The following SCRN3 variants were observed in gnomAD, a reference collection of about 807,000 sequenced individuals.
SCRN3 encodes secernin-3.
Under a neutral mutation model 43.1 loss-of-function variants are expected in SCRN3, and 39 were observed. The observed-to-expected ratio is 0.91, with a 90% CI of 0.70 to 1.18. The LOEUF (loss-of-function observed/expected upper bound fraction) is 1.18, where lower values mean the gene tolerates loss of function less well. Ranked by LOEUF, SCRN3 falls within the 50% of genes most tolerant of loss-of-function variation. The probability of loss-of-function intolerance (pLI) is 0.00; values close to 1 mark genes in which losing one functional copy is unlikely to be tolerated. For synonymous variants in SCRN3, 147 were observed against 163.1 expected, an observed-to-expected ratio of 0.90 and a Z score of 0.75; for missense variants, 484 against 498.0, an observed-to-expected ratio of 0.97 and a Z score of 0.27.
chr2:174,404,226 C>G lies in SCRN3; in HGVS notation c.665C>G (p.Ala222Gly). 6.2e-7 allele frequency: 1 copy of G among 1,613,838 alleles called. No individual in the cohort carries two copies. The highest frequency in any genetic ancestry group is 8.5e-7 in the Non-Finnish European group (1 of 1,179,844). The change falls in exon 5 of 8, where the codon GCT becomes GGT. Residue 222 changes from alanine to glycine, a missense_variant. Physicochemically the swap from Ala to Gly is moderately conservative, Grantham distance 60. Coordinates refer to ENST00000272732, the MANE Select transcript of SCRN3 (RefSeq NM_024583.5). ...GATGGTAAAAAGGAGTTTGATTTTG[C>G]TGCAGCATATTCCTATCTTGACACA... The part of the protein sequence containing the change: ...WWDGKKEFDF[A>G]AAYSYLDTAK...
intron 5 of SCRN3, among the ~76,000 whole-genome samples, chr2:174,414,116 T>C (rs772182051): frequency 9.2e-5 from 14 of 152,088 alleles, no homozygotes; most frequent in Non-Finnish European, 1.8e-4. Flanking sequence ...AGCCTTCAGG[T>C]AGTTGTTTTT....
chr2:174,424,388 T>C, intron 6 of SCRN3, 87 bp from the exon 7 acceptor site: 1 of 972,618 alleles, frequency 1.0e-6, no homozygotes, highest in Non-Finnish European at 1.5e-6. Flanking sequence ...CAGAAACTTC[T>C]AATTGAGAGA....
At chr2:174,416,619 G>A (rs1412194898) in intron 5 of SCRN3, among the ~76,000 whole-genome samples, 1 of 152,176 alleles carries the variant, frequency 6.6e-6, no homozygotes, top group Admixed American at 6.5e-5. Context: ...GGAGCATAGG[G>A]TAGGAGTAGT....
chr2:174,422,569 C>CA (rs397872881), intron 5 of SCRN3, among the ~76,000 whole-genome samples: 22,911 of 108,972 alleles, frequency 0.21, 2,109 homozygotes, highest in South Asian at 0.34. Context: ...GACTCTGTCT[C>CA]AAAAAAAAAA....
At chr2:174,398,573 CAG>C (rs1685404315) in intron 2 of SCRN3, 131 bp downstream of exon 2, 2 of 651,088 alleles carry the variant, frequency 3.1e-6, no homozygotes, top group Admixed American at 3.4e-5. Flanking sequence ...ATAAATGAGT[CAG>C]AAATAAACTG....
Position 174,395,757 on chromosome 2 carries a change from A to G in SCRN3, c.-70A>G, listed in dbSNP as rs1475468075. On this transcript the variant is annotated 5_prime_UTR_variant, in exon 1 of 8. The change abolishes an upstream ATG in the 5' untranslated region. Transcript: ENST00000272732. Reference sequence around the variant, plus strand: ...CAAAGGTGACAGCTTCCGGCAACTGATGCCTCCACTGGCCACTCCTCCCTC... The same window carrying G: ...CAAAGGTGACAGCTTCCGGCAACTGGTGCCTCCACTGGCCACTCCTCCCTC... 1.3e-6 allele frequency: 2 copies of G among 1,588,922 alleles called. No homozygotes were observed. The highest frequency in any genetic ancestry group is 1.7e-6 in the Non-Finnish European group (2 of 1,166,874).
At chr2:174,403,651 T>C (rs528647735) in intron 4 of SCRN3, among the ~76,000 whole-genome samples, 1 of 152,310 alleles carries the variant, frequency 6.6e-6, no homozygotes, top group South Asian at 2.1e-4. Flanking sequence ...ATTACAGTTA[T>C]AGAAATGGAG....
chr2:174,429,628 A>G (rs1002414277), downstream of SCRN3: 1 of 152,196 alleles, frequency 6.6e-6, no homozygotes, highest in African/African-American at 2.4e-5. Context: ...TTGACACATT[A>G]TCACCCAAAG....
In SCRN3 at chr2:174,428,006, T is replaced by G; in HGVS notation, c.*111T>G. 1 of 685,002 alleles carries G rather than the reference T, an allele frequency of 1.5e-6. No individual in the cohort carries two copies. Among genetic ancestry groups the G allele is most frequent in the Non-Finnish European group, 2.4e-6 (1 of 412,108 alleles). The allele number at this position is 685,002 out of a possible 1,614,324, so 42.4% of individuals were successfully genotyped here. A position where few individuals can be genotyped will look rare whatever the true frequency, so the allele number is the denominator to read the frequency against. ...ATAAACCTAACTTGAGCAGATCTGA[T>G]TATTCTTGGATAGTATTCAAGTGGT... On this transcript the variant is annotated 3_prime_UTR_variant, in exon 8 of 8. Transcript: ENST00000272732.
At chr2:174,426,918 C>T (rs186098789) in intron 7 of SCRN3, among the ~76,000 whole-genome samples, 21 of 152,018 alleles carry the variant, frequency 1.4e-4, no homozygotes, top group Middle Eastern at 6.8e-3. Flanking sequence ...CTGCAACCTC[C>T]GCCTTCCAGG....
At chr2:174,417,239 T>G (rs1686143532) in intron 5 of SCRN3, among the ~76,000 whole-genome samples, 2 of 151,994 alleles carry the variant, frequency 1.3e-5, no homozygotes, top group Non-Finnish European at 1.5e-5. Context: ...CGTTTACCCA[T>G]GTAACAAACC....
rs1686554057 is a variant in SCRN3, at chr2:174,428,115, G to A, written c.*220G>A. 9.3e-6 allele frequency: 3 copies of A among 321,702 alleles called. No individual in the cohort carries two copies. The highest frequency in any genetic ancestry group is 1.7e-5 in the Non-Finnish European group (3 of 175,004). The allele number at this position is 321,702 out of a possible 1,614,324, so 19.9% of individuals were successfully genotyped here. A position where few individuals can be genotyped will look rare whatever the true frequency, so the allele number is the denominator to read the frequency against. ...TTGGATTCATGTATCGTGGGATACA[G>A]GTGTTATTTCAGGTGATGTACTTGC... On this transcript the variant is annotated 3_prime_UTR_variant, in exon 8 of 8. Transcript: ENST00000272732.
intron 5 of SCRN3, among the ~76,000 whole-genome samples, chr2:174,408,811 T>C: frequency 7.7e-6 from 1 of 130,018 alleles, no homozygotes; most frequent in African/African-American, 2.9e-5. Context: ...GCTTGTAGGG[T>C]TTCTGCCGAG....
intron 4 of SCRN3, among the ~76,000 whole-genome samples, chr2:174,402,669 A>G (rs950289170): frequency 6.6e-6 from 1 of 152,172 alleles, no homozygotes; most frequent in South Asian, 2.1e-4. Context: ...AGCCTGGGCG[A>G]GAGAGTGAGA....
chr2:174,398,239 G>T, intron 1 of SCRN3, 36 bp from the exon 2 acceptor site: 1 of 1,321,960 alleles, frequency 7.6e-7, no homozygotes. Context: ...ACTTAAAAGT[G>T]TTCTTTTTAT....
Position 174,400,102 on chromosome 2 carries a change from A to G in SCRN3, c.340A>G (p.Arg114Gly), listed in dbSNP as rs1459856766. Residue 114 changes from arginine (R) to glycine (G), a missense_variant and splice_region_variant, in exon 3 of 8, where the codon AGA becomes GGA. Transcript: ENST00000272732. ...AGCACTATTAGGAATGGACCTTGTC[A>G]GGTTATTTTTTGTTACATTTTATAC... ...EEALLGMDLV[R>G]LGLERADTAE... is the part of the protein sequence containing the mutation. 6.4e-7 allele frequency: 1 copy of G among 1,556,298 alleles called. No homozygotes were observed.
intron 5 of SCRN3, among the ~76,000 whole-genome samples, 199 bp downstream of exon 5, chr2:174,404,514 G>C (rs1468785466): frequency 6.7e-6 from 1 of 148,164 alleles, no homozygotes; most frequent in Non-Finnish European, 1.5e-5. Flanking sequence ...GTGCAGGTTA[G>C]TTACATATGT....
At chr2:174,419,979 C>T (rs1686243741) in intron 5 of SCRN3, among the ~76,000 whole-genome samples, 1 of 151,990 alleles carries the variant, frequency 6.6e-6, no homozygotes, top group African/African-American at 2.4e-5. Context: ...AAAGAGTACA[C>T]AAAAGAGTAG....
intron 1 of SCRN3, chr2:174,396,269 A>C: frequency 1.0e-6 from 1 of 991,842 alleles, no homozygotes; most frequent in Non-Finnish European, 1.2e-6. Flanking sequence ...ATACTTATTG[A>C]ATGACGAATA....
Sources: gnomAD v4.1 joint callset for allele counts (sites outside exome capture counted in the v4.1 genomes callset) on GRCh38, gnomAD v4.1.1 for gene constraint, MANE v1.5 for transcripts, NCBI Gene and HGNC (gene_info 2026-07-23, HGNC 2026-07-21) for gene names.